Variants in PITPNC1 observed in about 807,000 individuals in gnomAD.
PITPNC1 encodes the protein phosphatidylinositol transfer protein cytoplasmic 1, also known as cytoplasmic phosphatidylinositol transfer protein 1.
A neutral mutation model predicts 44.7 loss-of-function variants in PITPNC1; 18 were observed. The observed-to-expected ratio is 0.40, with a 90% CI of 0.28 to 0.60. The LOEUF is 0.60. PITPNC1 is among the 20% of genes least tolerant of loss of function. The probability of loss-of-function intolerance (pLI) is 0.39; values close to 1 mark genes in which losing one functional copy is unlikely to be tolerated. For missense variants in PITPNC1, 290 were observed against 418.4 expected, an observed-to-expected ratio of 0.69 and a Z score of 2.68; for synonymous variants, 141 against 149.6, an observed-to-expected ratio of 0.94 and a Z score of 0.42.
intron 1 of PITPNC1, among the ~76,000 whole-genome samples, chr17:67,447,646 C>T (rs1205902112): frequency 6.6e-6 from 1 of 151,292 alleles, no homozygotes; most frequent in Non-Finnish European, 1.5e-5. Context: ...GGATTTCAGG[C>T]CTGAGCCACC....
chr17:67,518,106 G>A (rs560051975), intron 1 of PITPNC1, among the ~76,000 whole-genome samples: 1 of 152,260 alleles, frequency 6.6e-6, no homozygotes, highest in East Asian at 1.9e-4. Flanking sequence ...GTAGGACTCG[G>A]CTGCCTTCTA....
chr17:67,410,372 T>C (rs1004378271), intron 1 of PITPNC1, among the ~76,000 whole-genome samples: 5 of 152,172 alleles, frequency 3.3e-5, no homozygotes, highest in Admixed American at 6.5e-5. Context: ...CTTTGGCTGG[T>C]TGAGGTAGTG....
At chr17:67,523,806 CGTTTTTT>C (rs1490707018) in intron 1 of PITPNC1, among the ~76,000 whole-genome samples, 5 of 127,632 alleles carry the variant, frequency 3.9e-5, no homozygotes, top group Non-Finnish European at 8.2e-5. Context: ...ACATGGAAAC[CGTTTTTT>C]TTTTTTTTTT....
chr17:67,601,372 C>T (rs2041537535), intron 5 of PITPNC1, among the ~76,000 whole-genome samples: 1 of 152,050 alleles, frequency 6.6e-6, no homozygotes, highest in African/African-American at 2.4e-5. Context: ...AAATGTGGGC[C>T]TATCAAATGA....
chr17:67,473,967 C>T (rs2949917), intron 1 of PITPNC1, among the ~76,000 whole-genome samples: 1 of 152,046 alleles, frequency 6.6e-6, no homozygotes, highest in East Asian at 1.9e-4. Context: ...TATCTATCCT[C>T]TCATTTATTT....
chr17:67,458,103 C>T (rs1025390473), intron 1 of PITPNC1, among the ~76,000 whole-genome samples: 13 of 152,184 alleles, frequency 8.5e-5, no homozygotes, highest in Admixed American at 3.9e-4. Flanking sequence ...CTTACATCTG[C>T]GTCTCACTCT....
intron 1 of PITPNC1, among the ~76,000 whole-genome samples, chr17:67,487,479 T>G (rs2039796966): frequency 6.6e-6 from 1 of 152,168 alleles, no homozygotes; most frequent in Middle Eastern, 3.4e-3. Flanking sequence ...CCAGCCTCCT[T>G]TTTGTTATTG....
intron 1 of PITPNC1, among the ~76,000 whole-genome samples, chr17:67,502,548 T>C (rs77452576): frequency 0.03 from 4,503 of 152,090 alleles, 118 homozygotes; most frequent in African/African-American, 0.075. Context: ...TGGAAGAGGA[T>C]TGGGGGCAGC....
At chr17:67,577,625 A>C (rs2144229963) in intron 4 of PITPNC1, among the ~76,000 whole-genome samples, 1 of 151,016 alleles carries the variant, frequency 6.6e-6, no homozygotes, top group East Asian at 1.9e-4. Context: ...AATAAATTTA[A>C]AAATTTTTTT....
At chr17:67,640,298 A>T (rs2042078784) in intron 6 of PITPNC1, among the ~76,000 whole-genome samples, 1 of 152,174 alleles carries the variant, frequency 6.6e-6, no homozygotes, top group African/African-American at 2.4e-5. Context: ...CAAAGGAGAC[A>T]CAAGAGAAGG....
intron 1 of PITPNC1, among the ~76,000 whole-genome samples, chr17:67,419,079 C>A (rs534838552): frequency 1.3e-5 from 2 of 152,026 alleles, no homozygotes; most frequent in Non-Finnish European, 2.9e-5. Flanking sequence ...GGACAGCAAC[C>A]TGTTGGTCCA....
chr17:67,488,165 G>GA (rs2039809826), intron 1 of PITPNC1, among the ~76,000 whole-genome samples: 1 of 152,196 alleles, frequency 6.6e-6, no homozygotes, highest in Non-Finnish European at 1.5e-5. Context: ...ACCCATCGCA[G>GA]AAAAATACAG....
At chr17:67,635,411 G>T (rs967596090) in intron 6 of PITPNC1, among the ~76,000 whole-genome samples, 2 of 152,116 alleles carry the variant, frequency 1.3e-5, no homozygotes, top group Non-Finnish European at 2.9e-5. Flanking sequence ...GATAGATGGG[G>T]GTGCTGCTTA....
chr17:67,465,240 G>C (rs2039407815), intron 1 of PITPNC1, among the ~76,000 whole-genome samples: 1 of 152,234 alleles, frequency 6.6e-6, no homozygotes, highest in African/African-American at 2.4e-5. Context: ...AAGATTTGGG[G>C]AGGTAATTGT....
chr17:67,619,537 C>T (rs555322502), intron 5 of PITPNC1, among the ~76,000 whole-genome samples: 24 of 152,300 alleles, frequency 1.6e-4, no homozygotes, highest in African/African-American at 5.3e-4. Context: ...CTCAACATCC[C>T]TCTCTGGAGC....
intron 6 of PITPNC1, among the ~76,000 whole-genome samples, chr17:67,658,995 T>G (rs2042306991): frequency 6.6e-6 from 1 of 152,194 alleles, no homozygotes. Flanking sequence ...CAAATTTCCC[T>G]GTTTAACTCC....
intron 5 of PITPNC1, among the ~76,000 whole-genome samples, chr17:67,608,018 C>G (rs1338761657): frequency 6.6e-6 from 1 of 152,046 alleles, no homozygotes; most frequent in Non-Finnish European, 1.5e-5. Context: ...GCATGAGCCA[C>G]CGGCCCCGGC....
intron 1 of PITPNC1, among the ~76,000 whole-genome samples, chr17:67,532,026 A>G (rs1241251469): frequency 6.6e-6 from 1 of 152,222 alleles, no homozygotes; most frequent in Non-Finnish European, 1.5e-5. Context: ...TCATACATGA[A>G]AAAAGGACAG....
Position 67,632,158 on chromosome 17 carries a change from G to T in PITPNC1, c.382G>T (p.Ala128Ser), listed in dbSNP as rs2041979280. 1 of 1,611,578 alleles carries T rather than the reference G, an allele frequency of 6.2e-7. No homozygotes were observed. The highest frequency in any genetic ancestry group is 1.7e-5 in the Admixed American group (1 of 60,000). The change falls in exon 6 of 9, where the codon GCC becomes TCC. Residue 128 changes from alanine (A) to serine (S), a missense_variant. Physicochemically the swap from Ala to Ser is moderately conservative, Grantham distance 99 (BLOSUM62 1). Coordinates refer to ENST00000581322, the MANE Select transcript of PITPNC1 (RefSeq NM_012417.4). ...GSNDTIFDNE[A>S]KDVEREVCFI... ...GCTTTTTCAGATTTTCGACAATGAA[G>T]CCAAAGACGTGGAGAGAGAAGTTTG...
Sources: gnomAD v4.1 joint callset for allele counts (sites outside exome capture counted in the v4.1 genomes callset) on GRCh38, gnomAD v4.1.1 for gene constraint, MANE v1.5 for transcripts, NCBI Gene and HGNC (gene_info 2026-07-23, HGNC 2026-07-21) for gene names.